Variants in CEP170 observed in about 807,000 individuals in gnomAD.
CEP170 encodes the protein centrosomal protein 170, also known as centrosomal protein of 170 kDa.
A neutral mutation model predicts 151.9 loss-of-function variants in CEP170; 21 were observed. The ratio of observed to expected loss-of-function variants is 0.14; its 90% confidence interval spans 0.10 to 0.20. The LOEUF (loss-of-function observed/expected upper bound fraction) is 0.20, where lower values mean the gene tolerates loss of function less well. CEP170 is among the 10% of genes least tolerant of loss of function. The pLI, the probability that CEP170 is intolerant of heterozygous loss-of-function variation, is 1.00. For missense variants in CEP170, 964 were observed against 1,892.9 expected (o/e 0.51, Z 9.11); for synonymous variants, 356 against 648.8 (o/e 0.55, Z 6.86).
intron 13 of CEP170, chr1:243,163,137 A>G (rs2058196295): frequency 6.6e-6 from 1 of 152,254 alleles, no homozygotes; most frequent in Admixed American, 6.5e-5. Context: ...AAAAGTGAAA[A>G]AAGTATCATA....
intron 10 of CEP170, among the ~76,000 whole-genome samples, chr1:243,178,669 A>C (rs2059413674): frequency 6.6e-6 from 1 of 152,088 alleles, no homozygotes; most frequent in Non-Finnish European, 1.5e-5. Flanking sequence ...AGTCAATTTC[A>C]TATTATATGA....
chr1:243,221,474 GA>G, intron 3 of CEP170: 1 of 443,072 alleles, frequency 2.3e-6, no homozygotes, highest in Non-Finnish European at 4.0e-6. Flanking sequence ...ACTCCTTAAA[GA>G]AGTCTTCTTT....
chr1:243,161,343 A>G (rs569524483), intron 13 of CEP170, among the ~76,000 whole-genome samples: 9 of 151,500 alleles, frequency 5.9e-5, no homozygotes, highest in Admixed American at 2.0e-4. Context: ...TGTTTTGGGG[A>G]AAAAAAAACT....
chr1:243,221,773 T>G lies in CEP170; in HGVS notation c.146A>C (p.Asp49Ala). ...VDKQHAVINY[D>A]ASTDEHLVKD... ...CACTAAATGCTCATCCGTAGACGCA[T>G]CATAGTTGATGACAGCGTGTTGCTT... is the stretch of plus-strand genomic sequence containing the variant. Residue 49 changes from aspartate to alanine, a missense_variant, in exon 3 of 20, where the codon GAT becomes GCT. By Grantham distance (126) the Asp-to-Ala change is moderately radical. Coordinates refer to ENST00000366542, the MANE Select transcript of CEP170 (RefSeq NM_014812.3). The G allele has an allele frequency of 1.1e-5, 17 of 1,613,184 alleles. No homozygotes were observed. Among genetic ancestry groups the G allele is most frequent in the Non-Finnish European group, 1.4e-5 (17 of 1,179,580 alleles).
chr1:243,189,273 C>T (rs2148744646), intron 8 of CEP170, among the ~76,000 whole-genome samples: 1 of 152,102 alleles, frequency 6.6e-6, no homozygotes, highest in East Asian at 1.9e-4. Flanking sequence ...ATAGTCGATA[C>T]AGGCCAGGCG....
At chr1:243,229,126 G>A (rs1270222041) in intron 1 of CEP170, among the ~76,000 whole-genome samples, 1 of 152,166 alleles carries the variant, frequency 6.6e-6, no homozygotes, top group Non-Finnish European at 1.5e-5. Flanking sequence ...ACCCACACAT[G>A]GATAAAACTA....
At chr1:243,213,098 G>A (rs2061960602) in intron 3 of CEP170, among the ~76,000 whole-genome samples, 1 of 151,780 alleles carries the variant, frequency 6.6e-6, no homozygotes, top group Non-Finnish European at 1.5e-5. Context: ...AACTAACAAG[G>A]TATTTCATAT....
chr1:243,249,623 C>G (rs561333440), intron 1 of CEP170, among the ~76,000 whole-genome samples: 1 of 152,202 alleles, frequency 6.6e-6, no homozygotes, highest in East Asian at 1.9e-4. Flanking sequence ...AAATGTAAAA[C>G]AGCAGTCCTC....
intron 13 of CEP170, among the ~76,000 whole-genome samples, chr1:243,156,981 T>C (rs1334189927): frequency 6.6e-6 from 1 of 152,240 alleles, no homozygotes; most frequent in Non-Finnish European, 1.5e-5. Flanking sequence ...AAATTATGCC[T>C]TTATGGCAGA....
chr1:243,250,688 T>C (rs774793643), intron 1 of CEP170, among the ~76,000 whole-genome samples: 5 of 152,186 alleles, frequency 3.3e-5, no homozygotes, highest in Non-Finnish European at 7.3e-5. Flanking sequence ...TTATGAACAT[T>C]AGAAAAGGAG....
intron 1 of CEP170, among the ~76,000 whole-genome samples, chr1:243,250,766 C>T (rs1232541413): frequency 3.9e-5 from 6 of 152,102 alleles, no homozygotes; most frequent in Admixed American, 3.3e-4. Flanking sequence ...TAACATTTCT[C>T]TCTCTCTCTC....
At chr1:243,162,928 C>G (rs1009154569) in intron 13 of CEP170, among the ~76,000 whole-genome samples, 9 of 152,092 alleles carry the variant, frequency 5.9e-5, no homozygotes, top group Admixed American at 3.9e-4. Context: ...AACCACCAAC[C>G]AAAGCTTCAA....
At chr1:243,196,008 G>A (rs1262403176) in intron 7 of CEP170, among the ~76,000 whole-genome samples, 1 of 152,058 alleles carries the variant, frequency 6.6e-6, no homozygotes, top group Non-Finnish European at 1.5e-5. Context: ...TCATGAGACG[G>A]CTTTTGGTCA....
chr1:243,221,575 T>G (rs1315453677), intron 3 of CEP170, 149 bp downstream of exon 3: 78 of 701,008 alleles, frequency 1.1e-4, no homozygotes. Context: ...TATTGGATGG[T>G]CCCCAAAGTG....
rs1284788652 is a variant in CEP170 at position 243,199,154 on chromosome 1, C to T, written c.537G>A (p.Gln179=). The change falls in exon 7 of 20, where the codon CAG becomes CAA. Residue 179 remains glutamine, a synonymous_variant. Coordinates refer to ENST00000366542, the MANE Select transcript of CEP170 (RefSeq NM_014812.3). ...AMPRGTPLYG[Q]PSWWGDDEVD... ...CCTCATCATCCCCCCACCATGACGGCTGCCCATATAATGGAGTACCACGGG... is the reference window on the plus strand; with the variant it reads ...CCTCATCATCCCCCCACCATGACGGTTGCCCATATAATGGAGTACCACGGG... The T allele has an allele frequency of 6.2e-7, 1 of 1,611,922 alleles. No homozygotes were observed. The highest frequency in any genetic ancestry group is 2.2e-5 in the East Asian group (1 of 44,860).
chr1:243,210,267 T>C (rs1170067222), intron 4 of CEP170, among the ~76,000 whole-genome samples: 1 of 152,240 alleles, frequency 6.6e-6, no homozygotes, highest in Non-Finnish European at 1.5e-5. Context: ...GACAGAGTTT[T>C]ACTAAAACTT....
At chr1:243,194,659 G>T (rs1186534490) in intron 7 of CEP170, among the ~76,000 whole-genome samples, 1 of 151,852 alleles carries the variant, frequency 6.6e-6, no homozygotes, top group East Asian at 1.9e-4. Flanking sequence ...ACTATAAGGG[G>T]TCTTCTAATC....
At chr1:243,177,112 C>T (rs2059306306) in intron 10 of CEP170, among the ~76,000 whole-genome samples, 1 of 152,124 alleles carries the variant, frequency 6.6e-6, no homozygotes, top group Admixed American at 6.5e-5. Flanking sequence ...GATAAATATC[C>T]TACCTATTGA....
In CEP170 at chr1:243,211,935, T is replaced by A; in HGVS notation, c.225A>T (p.Glu75Asp). 1 of 1,565,108 alleles carries A rather than the reference T, an allele frequency of 6.4e-7. No homozygotes were observed. Among genetic ancestry groups the A allele is most frequent in the Non-Finnish European group, 8.6e-7 (1 of 1,160,158 alleles). The change falls in exon 4 of 20, where the codon GAA becomes GAT. Residue 75 changes from glutamate (E) to aspartate (D), a missense_variant. By Grantham distance (45) the Glu-to-Asp change is conservative (BLOSUM62 2). Coordinates refer to ENST00000366542, the MANE Select transcript of CEP170 (RefSeq NM_014812.3). ...GTFVNDVRIPEQTYITLKLED... is the reference protein window; with the variant it reads ...GTFVNDVRIPDQTYITLKLED... ...CAAGTTTCAAGGTGATATAAGTCTG[T>A]TCCGGAATCCTTACATCATTCACAA...
Sources: allele counts gnomAD v4.1 joint callset (sites outside exome capture counted in the v4.1 genomes callset), GRCh38; gene constraint gnomAD v4.1.1; transcripts MANE v1.5; gene names NCBI Gene and HGNC (gene_info 2026-07-23, HGNC 2026-07-21).